EPHA6: variants seen among roughly 807,000 people sequenced by gnomAD.
The protein encoded by EPHA6 is EPH receptor A6, also known as ephrin type-A receptor 6.
In EPHA6, 50 loss-of-function variants were observed where a neutral mutation model predicts 112.0. That is an observed-to-expected ratio of 0.45 (90% CI 0.36 to 0.56). The LOEUF (loss-of-function observed/expected upper bound fraction) is 0.56, where lower values mean the gene tolerates loss of function less well. Ranked by LOEUF, EPHA6 falls within the 20% of genes least tolerant of loss-of-function variation. The pLI, the probability that EPHA6 is intolerant of heterozygous loss-of-function variation, is 0.00. For missense variants in EPHA6, 1,280 were observed against 1,417.4 expected (o/e 0.90, Z 1.56); for synonymous variants, 529 against 490.7 (o/e 1.08, Z -1.03).
intron 7 of EPHA6, among the ~76,000 whole-genome samples, chr3:97,465,967 GTTTT>G (rs200430547): frequency 1.3e-5 from 2 of 149,548 alleles, no homozygotes; most frequent in African/African-American, 4.9e-5. Context: ...CTGCCCATTT[GTTTT>G]TTTTTCTTTT....
rs1015487032 is a variant in EPHA6, at chr3:97,760,750, G to A, written c.*12049G>A. On this transcript the variant is annotated 3_prime_UTR_variant, in exon 18 of 18. Transcript: ENST00000389672. ...TACCTAGATAACATGTCTAGGTTGA[G>A]ATATTTAATCCCTCATAGAGCTATA... is the stretch of plus-strand genomic sequence containing the variant. 2 of 178,474 alleles carry A rather than the reference G, an allele frequency of 1.1e-5. No individual in the cohort carries two copies. The highest frequency in any genetic ancestry group is 4.7e-5 in the African/African-American group (2 of 42,146). The allele number at this position is 178,474 out of a possible 1,614,324, so 11.1% of individuals were successfully genotyped here.
intron 12 of EPHA6, among the ~76,000 whole-genome samples, chr3:97,596,672 A>G (rs1164804602): frequency 2.0e-5 from 3 of 151,032 alleles, no homozygotes; most frequent in Admixed American, 2.0e-4. Context: ...TCATATCTTA[A>G]GGTTGAATGT....
At chr3:97,091,302 C>T (rs140108687) in intron 3 of EPHA6, among the ~76,000 whole-genome samples, 1 of 152,204 alleles carries the variant, frequency 6.6e-6, no homozygotes, top group African/African-American at 2.4e-5. Flanking sequence ...CGCAAACTAA[C>T]TGGAAACAAT....
intron 2 of EPHA6, among the ~76,000 whole-genome samples, chr3:96,885,838 A>T (rs2037590576): frequency 6.6e-6 from 1 of 151,774 alleles, no homozygotes; most frequent in African/African-American, 2.4e-5. Context: ...GTGCTCCTTC[A>T]GTCTTTTTGT....
chr3:97,551,128 T>C (rs1203454305), intron 11 of EPHA6, among the ~76,000 whole-genome samples: 1 of 152,186 alleles, frequency 6.6e-6, no homozygotes, highest in African/African-American at 2.4e-5. Flanking sequence ...CTCTATATTA[T>C]AATTATTTAG....
At chr3:97,281,785 C>G (rs1053214908) in intron 5 of EPHA6, among the ~76,000 whole-genome samples, 2 of 152,030 alleles carry the variant, frequency 1.3e-5, no homozygotes, top group Non-Finnish European at 2.9e-5. Context: ...CAGTTGTTAT[C>G]CTCATTTCAC....
intron 3 of EPHA6, among the ~76,000 whole-genome samples, chr3:97,047,839 G>A (rs1291827721): frequency 6.6e-6 from 1 of 152,042 alleles, no homozygotes; most frequent in Admixed American, 6.6e-5. Flanking sequence ...CCTTCTGAAG[G>A]AAATACTGGA....
chr3:97,126,102 T>G (rs920942837), intron 3 of EPHA6, among the ~76,000 whole-genome samples: 35 of 152,340 alleles, frequency 2.3e-4, no homozygotes, highest in African/African-American at 8.2e-4. Context: ...TTCCTACTAC[T>G]TTAGAAGGCA....
At chr3:97,146,945 A>T (rs548098734) in intron 3 of EPHA6, among the ~76,000 whole-genome samples, 2 of 152,060 alleles carry the variant, frequency 1.3e-5, no homozygotes, top group African/African-American at 4.8e-5. Flanking sequence ...AAATTTTAAA[A>T]TGCAAATCTT....
At chr3:97,062,996 A>G (rs1044911996) in intron 3 of EPHA6, among the ~76,000 whole-genome samples, 1 of 152,144 alleles carries the variant, frequency 6.6e-6, no homozygotes, top group East Asian at 1.9e-4. Context: ...CAAAACCACA[A>G]TTAAATACCC....
intron 2 of EPHA6, among the ~76,000 whole-genome samples, chr3:96,981,115 C>A (rs1283382016): frequency 6.6e-6 from 1 of 152,176 alleles, no homozygotes; most frequent in Non-Finnish European, 1.5e-5. Flanking sequence ...GAGAGGGCGT[C>A]CCTGTCTTGT....
At chr3:97,215,543 G>A (rs999906606) in intron 3 of EPHA6, among the ~76,000 whole-genome samples, 8 of 151,670 alleles carry the variant, frequency 5.3e-5, no homozygotes, top group South Asian at 2.1e-4. Context: ...CCCGGGAGGC[G>A]GAGGTTGCAG....
chr3:97,734,476 G>A (rs142891343), intron 15 of EPHA6, among the ~76,000 whole-genome samples: 9 of 152,080 alleles, frequency 5.9e-5, no homozygotes, highest in African/African-American at 1.7e-4. Flanking sequence ...AAAATATAAA[G>A]TGAATAGAAA....
At chr3:97,419,362 G>A (rs565525838) in intron 6 of EPHA6, among the ~76,000 whole-genome samples, 2 of 152,118 alleles carry the variant, frequency 1.3e-5, no homozygotes, top group Middle Eastern at 3.4e-3. Flanking sequence ...GGTGGCTTAC[G>A]TCTGTAATCC....
chr3:96,815,441 A>G (rs942404031), intron 1 of EPHA6, among the ~76,000 whole-genome samples: 3 of 148,660 alleles, frequency 2.0e-5, no homozygotes, highest in African/African-American at 7.8e-5. Flanking sequence ...CCCCGTGACC[A>G]GTTATCAGTC....
At chr3:97,661,802 C>A (rs1388899418) in intron 14 of EPHA6, among the ~76,000 whole-genome samples, 1 of 152,124 alleles carries the variant, frequency 6.6e-6, no homozygotes, top group Non-Finnish European at 1.5e-5. Context: ...TTGGTGCTTA[C>A]ACAAATGTAT....
intron 5 of EPHA6, among the ~76,000 whole-genome samples, chr3:97,374,593 G>A (rs1330156679): frequency 2.0e-5 from 3 of 152,034 alleles, no homozygotes. Flanking sequence ...CACCCAGGCA[G>A]TCAGCGTCAC....
intron 3 of EPHA6, among the ~76,000 whole-genome samples, chr3:97,216,793 C>T (rs190756781): frequency 2.0e-5 from 3 of 152,218 alleles, no homozygotes; most frequent in Admixed American, 2.0e-4. Context: ...TAGTATTACA[C>T]TGCACTTTAA....
chr3:96,884,242 C>A (rs1232822673), intron 2 of EPHA6, among the ~76,000 whole-genome samples: 1 of 151,968 alleles, frequency 6.6e-6, no homozygotes, highest in Non-Finnish European at 1.5e-5. Flanking sequence ...AATGTTTTTT[C>A]TAATTTTTTG....
Sources: gnomAD v4.1 joint callset for allele counts (sites outside exome capture counted in the v4.1 genomes callset) on GRCh38, gnomAD v4.1.1 for gene constraint, MANE v1.5 for transcripts, NCBI Gene and HGNC (gene_info 2026-07-23, HGNC 2026-07-21) for gene names.